ROPN1B: variants seen among roughly 807,000 people sequenced by gnomAD.
ROPN1B encodes the protein rhophilin associated tail protein 1B, also known as ropporin-1B.
In ROPN1B, 13 loss-of-function variants were observed where a neutral mutation model predicts 23.7. That is an observed-to-expected ratio of 0.55 (90% CI 0.36 to 0.87). The LOEUF (loss-of-function observed/expected upper bound fraction) is 0.87. Ranked by LOEUF, ROPN1B falls within the 40% of genes least tolerant of loss-of-function variation. The pLI is 0.01. For synonymous variants in ROPN1B, 67 were observed against 100.4 expected, an observed-to-expected ratio of 0.67 and a Z score of 1.99; for missense variants, 183 against 249.2, an observed-to-expected ratio of 0.73 and a Z score of 1.79.
chr3:125,969,835 G>T (rs1297829858), intron 1 of ROPN1B, among the ~76,000 whole-genome samples: 2 of 152,252 alleles, frequency 1.3e-5, no homozygotes, highest in African/African-American at 4.8e-5. Context: ...GCACTTCATA[G>T]ACTCCTGTCA....
At chr3:125,974,434 T>C (rs1472003504) in intron 3 of ROPN1B, among the ~76,000 whole-genome samples, 2 of 152,242 alleles carry the variant, frequency 1.3e-5, no homozygotes. Context: ...TAGCCCATCA[T>C]TGTATGGCTT....
At position 125,972,131 on chromosome 3, in the gene ROPN1B, T is replaced by C; in HGVS notation, c.77T>C (p.Ile26Thr). ...CTGAAGGAGTTTGCCAAAGCCGCCA[T>C]TCGGGCGCAGCCGCAGGACCTCATC... is the stretch of plus-strand genomic sequence containing the variant. ...KMLKEFAKAA[I>T]RAQPQDLIQW... Residue 26 changes from isoleucine to threonine, a missense_variant, in exon 3 of 7, where the codon ATT (isoleucine) becomes ACT (threonine). Ile to Thr is a moderately conservative substitution (Grantham distance 89). This residue lies in a region of ROPN1B where 97 missense variants were observed against 99.6 expected (regional missense o/e 0.97). Coordinates refer to ENST00000514116, the MANE Select transcript of ROPN1B (RefSeq NM_001308313.2). 1 of 1,614,168 alleles carries C rather than the reference T, an allele frequency of 6.2e-7. No individual in the cohort carries two copies. The highest frequency in any genetic ancestry group is 2.2e-5 in the East Asian group (1 of 44,880).
chr3:125,970,663 T>C (rs1234585528), intron 1 of ROPN1B, among the ~76,000 whole-genome samples: 2 of 152,166 alleles, frequency 1.3e-5, no homozygotes, highest in African/African-American at 4.8e-5. Flanking sequence ...AAAAAATCCT[T>C]TTTTCCTCTG....
At chr3:125,973,366 G>A (rs1249803777) in intron 3 of ROPN1B, 2 of 210,720 alleles carry the variant, frequency 9.5e-6, no homozygotes, top group African/African-American at 4.7e-5. Context: ...TAGGCCAGTG[G>A]TGCTCATAAA....
chr3:125,979,406 G>A (rs1057350793), intron 5 of ROPN1B, among the ~76,000 whole-genome samples: 13 of 152,090 alleles, frequency 8.5e-5, no homozygotes, highest in African/African-American at 3.1e-4. Context: ...TAAAAGTAGG[G>A]CCTCTGGGAG....
At chr3:125,972,502 T>G in intron 3 of ROPN1B, 1 of 482,492 alleles carries the variant, frequency 2.1e-6, no homozygotes, top group South Asian at 4.4e-5. Context: ...TTTCCCACTC[T>G]CGGTGGAAAG....
chr3:125,979,584 CTG>C (rs1938540304), intron 5 of ROPN1B, among the ~76,000 whole-genome samples: 1 of 152,192 alleles, frequency 6.6e-6, no homozygotes, highest in South Asian at 2.1e-4. Flanking sequence ...GACTCCAAAA[CTG>C]TGAGCAATAA....
rs1430139309 is a variant in ROPN1B at position 125,971,102 on chromosome 3, A to C, written c.-58-15A>C. 2 of 153,442 alleles carry C rather than the reference A, an allele frequency of 1.3e-5. No homozygotes were observed. Among genetic ancestry groups the C allele is most frequent in the African/African-American group, 4.8e-5 (2 of 41,376 alleles). 9.5% of individuals were successfully genotyped at this position (153,442 alleles called of 1,614,324 possible). A position where few individuals can be genotyped will look rare whatever the true frequency, so the allele number is the denominator to read the frequency against. On this transcript the variant is annotated splice_polypyrimidine_tract_variant and intron_variant, in intron 1 of 6. Transcript: ENST00000514116. ...TTTGTGAGCCTAATCCTTGGTCTCT[A>C]TCCACCCTGCCTAGCAATTTATCTC...
intron 3 of ROPN1B, 136 bp from the exon 4 acceptor site, chr3:125,975,427 A>C (rs774319573): frequency 1.3e-6 from 1 of 761,934 alleles, no homozygotes; most frequent in Non-Finnish European, 2.1e-6. Context: ...AACTAAACAC[A>C]ATGACACATA....
chr3:125,977,295 TCTC>T (rs1321361689), intron 5 of ROPN1B, 130 bp downstream of exon 5: 19 of 1,437,630 alleles, frequency 1.3e-5, no homozygotes, highest in East Asian at 2.3e-5. Flanking sequence ...CTATTGTCCT[TCTC>T]CTCTCTAAAG....
In ROPN1B at chr3:125,974,421, C is replaced by G. The variant is rs377763399; in HGVS notation, c.117-1142C>G. On this transcript the variant is annotated intron_variant, in intron 3 of 6. Coordinates refer to ENST00000514116, the MANE Select transcript of ROPN1B (RefSeq NM_001308313.2). ...GCTATGTGGCTTAGAGACAGGCAAT[C>G]GTTAGCCCATCATTGTATGGCTTGA... Among the ~76,000 whole-genome samples, 276 of 152,300 alleles carry G rather than the reference C, an allele frequency of 1.8e-3. 1 individual carries two copies. The highest frequency in any genetic ancestry group is 8.7e-3 in the South Asian group (42 of 4,826).
chr3:125,980,282 T>A (rs768658014), intron 5 of ROPN1B, among the ~76,000 whole-genome samples: 1 of 152,224 alleles, frequency 6.6e-6, no homozygotes, highest in African/African-American at 2.4e-5. Context: ...GGCAATAGAA[T>A]TTGAAGGGTT....
chr3:125,971,354 C>G (rs1399593694), intron 2 of ROPN1B, among the ~76,000 whole-genome samples, 192 bp downstream of exon 2: 1 of 152,080 alleles, frequency 6.6e-6, no homozygotes. Flanking sequence ...GTCCCTTTCT[C>G]TACTAAAAGC....
At chr3:125,980,752 CTTGT>C (rs984065931) in intron 5 of ROPN1B, among the ~76,000 whole-genome samples, 25 of 151,928 alleles carry the variant, frequency 1.6e-4, no homozygotes, top group Non-Finnish European at 2.4e-4. Context: ...TTTTTGTTTG[CTTGT>C]TTGTTTGTTT....
Position 125,972,161 on chromosome 3 carries a change from G to C in ROPN1B, c.107G>C (p.Trp36Ser), listed in dbSNP as rs144905673. 14 of 1,614,006 alleles carry C rather than the reference G, an allele frequency of 8.7e-6. No homozygotes were observed. Among genetic ancestry groups the C allele is most frequent in the East Asian group, 4.5e-5 (2 of 44,900 alleles). Reference protein sequence around the residue: ...IRAQPQDLIQWGADYFEALSR... With the variant: ...IRAQPQDLIQSGADYFEALSR... ...GCGCAGCCGCAGGACCTCATCCAGT[G>C]GGGGGCCGAGTACGTGCTCCTTTCT... The change falls in exon 3 of 7, where the codon TGG becomes TCG. Residue 36 changes from tryptophan to serine, a missense_variant. Physicochemically the swap from Trp to Ser is radical, Grantham distance 177 (BLOSUM62 -3). Coordinates refer to ENST00000514116, the MANE Select transcript of ROPN1B (RefSeq NM_001308313.2).
intron 5 of ROPN1B, among the ~76,000 whole-genome samples, chr3:125,979,086 C>T (rs1180542952): frequency 6.6e-6 from 1 of 152,166 alleles, no homozygotes; most frequent in Non-Finnish European, 1.5e-5. Flanking sequence ...TCTCTGCTTC[C>T]TCTGAGACAC....
chr3:125,980,741 GT>G lies in ROPN1B; in HGVS notation c.397-1524del, dbSNP rs751827633. On this transcript the variant is annotated intron_variant, in intron 5 of 6. Coordinates refer to ENST00000514116, the MANE Select transcript of ROPN1B (RefSeq NM_001308313.2). ...CAAAGCATTAGGGGTGCAGAGGGTTGTTTTTGTTTGCTTGTTTGTTTGTTTT... is the reference window on the plus strand; with the variant it reads ...CAAAGCATTAGGGGTGCAGAGGGTTGTTTTGTTTGCTTGTTTGTTTGTTTT... Among the ~76,000 whole-genome samples, 135 of 151,868 alleles carry G rather than the reference GT, an allele frequency of 8.9e-4. 1 individual carries two copies. The highest frequency in any genetic ancestry group is 3.2e-4 in the Non-Finnish European group (22 of 67,844).
chr3:125,973,006 C>G (rs1252611257), intron 3 of ROPN1B: 2 of 382,072 alleles, frequency 5.2e-6, no homozygotes, highest in African/African-American at 4.2e-5. Flanking sequence ...CTTGGACAAA[C>G]TTGCCTGCTT....
chr3:125,972,704 A>T (rs995186083), intron 3 of ROPN1B: 3 of 358,392 alleles, frequency 8.4e-6, no homozygotes, highest in African/African-American at 6.4e-5. Flanking sequence ...ACCCAACCAA[A>T]GAGGCTTTGT....
Sources: gnomAD v4.1 joint callset for allele counts (sites outside exome capture counted in the v4.1 genomes callset) on GRCh38, gnomAD v4.1.1 for gene constraint, gnomAD v4.1.1 regional missense constraint, MANE v1.5 for transcripts, NCBI Gene and HGNC (gene_info 2026-07-23, HGNC 2026-07-21) for gene names.